The following OLFM3 variants were observed in gnomAD, a reference collection of about 807,000 sequenced individuals.
The protein encoded by OLFM3 is noelin-3.
A neutral mutation model predicts 48.6 loss-of-function variants in OLFM3; 20 were observed. The observed-to-expected ratio is 0.41, with a 90% CI of 0.29 to 0.60. OLFM3 has a LOEUF of 0.60. OLFM3 is among the 20% of genes least tolerant of loss of function. The pLI is 0.28. For missense variants in OLFM3, 437 were observed against 544.3 expected, an observed-to-expected ratio of 0.80 and a Z score of 1.96; for synonymous variants, 222 against 198.1, an observed-to-expected ratio of 1.12 and a Z score of -1.01.
In OLFM3 at chr1:101,823,582, A is replaced by G. The variant is rs941336759; in HGVS notation, c.592+1444T>C. Among the ~76,000 whole-genome samples the G allele has an allele frequency of 3.9e-5, 6 of 152,062 alleles. 1 individual carries two copies. Among genetic ancestry groups the G allele is most frequent in the Admixed American group, 1.3e-4 (2 of 15,246 alleles). ...GAAGGGGCCACACATGAAGGGTCAC[A>G]TAAGCCATGGACTGTATCCTACAAC... On this transcript the variant is annotated intron_variant, in intron 4 of 5. Coordinates refer to ENST00000370103, the MANE Select transcript of OLFM3 (RefSeq NM_058170.4).
At chr1:101,970,953 AGCTG>A (rs1429853183) in intron 1 of OLFM3, among the ~76,000 whole-genome samples, 3 of 87,164 alleles carry the variant, frequency 3.4e-5, no homozygotes, top group African/African-American at 9.8e-5. Flanking sequence ...AAATGCACGT[AGCTG>A]AGTGATGGCA....
At chr1:101,975,211 A>C (rs1660920556) in intron 1 of OLFM3, among the ~76,000 whole-genome samples, 1 of 152,186 alleles carries the variant, frequency 6.6e-6, no homozygotes. Context: ...GGATATTGTC[A>C]GAAAACATTT....
chr1:101,989,082 G>A, intron 1 of OLFM3, among the ~76,000 whole-genome samples: 1 of 152,022 alleles, frequency 6.6e-6, no homozygotes, highest in Non-Finnish European at 1.5e-5. Flanking sequence ...GGAATGTCAG[G>A]GAAGAATTTG....
chr1:101,983,194 T>TA (rs1661147876), intron 1 of OLFM3, among the ~76,000 whole-genome samples: 1 of 152,214 alleles, frequency 6.6e-6, no homozygotes, highest in African/African-American at 2.4e-5. Flanking sequence ...TCAAGTCATG[T>TA]AAAAAAGCTC....
chr1:101,946,315 T>C (rs1057085492), intron 1 of OLFM3, among the ~76,000 whole-genome samples: 1 of 152,160 alleles, frequency 6.6e-6, no homozygotes, highest in South Asian at 2.1e-4. Context: ...ACATAATTTA[T>C]TTGAGTATCA....
intron 1 of OLFM3, among the ~76,000 whole-genome samples, chr1:101,885,370 G>A (rs1019258152): frequency 6.6e-6 from 1 of 152,006 alleles, no homozygotes; most frequent in Non-Finnish European, 1.5e-5. Flanking sequence ...TCCCTTCTAT[G>A]ATACGAGCAC....
intron 1 of OLFM3, among the ~76,000 whole-genome samples, chr1:101,903,891 G>T (rs17472786): frequency 6.6e-6 from 1 of 151,928 alleles, no homozygotes; most frequent in Non-Finnish European, 1.5e-5. Flanking sequence ...TTAAATGACT[G>T]ATTACAATAA....
intron 1 of OLFM3, among the ~76,000 whole-genome samples, chr1:101,881,316 T>C (rs1657516863): frequency 6.6e-6 from 1 of 151,902 alleles, no homozygotes; most frequent in Admixed American, 6.6e-5. Context: ...ATGGCTTTGG[T>C]TTGGCTTATT....
chr1:101,923,030 A>C (rs1298025944), intron 1 of OLFM3, among the ~76,000 whole-genome samples: 1 of 152,208 alleles, frequency 6.6e-6, no homozygotes, highest in Non-Finnish European at 1.5e-5. Context: ...GCAAAGTCAT[A>C]GCATCTGAGT....
chr1:101,828,026 C>CTGTCTG lies in OLFM3; in HGVS notation c.372+2645_372+2646insCAGACA, dbSNP rs1418413295. On this transcript the variant is annotated intron_variant, in intron 3 of 5. Coordinates refer to ENST00000370103, the MANE Select transcript of OLFM3 (RefSeq NM_058170.4). ...GCATTCATGCTCTCTCTCTCTCTCT[C>CTGTCTG]TCTCTCTGTCTGTCTGTCTGTCTGT... 3.7e-3 allele frequency among the ~76,000 whole-genome samples: 378 copies of CTGTCTG among 100,800 alleles called. 3 individuals are homozygous for CTGTCTG. Among genetic ancestry groups the CTGTCTG allele is most frequent in the African/African-American group, 0.012 (354 of 29,184 alleles). 66.1% of individuals were successfully genotyped at this position (100,800 alleles called of 152,430 possible). A position where few individuals can be genotyped will look rare whatever the true frequency, so the allele number is the denominator to read the frequency against.
intron 1 of OLFM3, among the ~76,000 whole-genome samples, chr1:101,963,110 C>A (rs1053827951): frequency 6.6e-6 from 1 of 152,192 alleles, no homozygotes; most frequent in Non-Finnish European, 1.5e-5. Flanking sequence ...GGCACCACAC[C>A]TTCAGATTCA....
At chr1:101,891,245 C>T (rs1219108829) in intron 1 of OLFM3, among the ~76,000 whole-genome samples, 3 of 151,886 alleles carry the variant, frequency 2.0e-5, no homozygotes, top group Non-Finnish European at 4.4e-5. Context: ...GAATCATTAA[C>T]TTAGTATAAA....
intron 3 of OLFM3, among the ~76,000 whole-genome samples, chr1:101,828,080 C>CT (rs1557691497): frequency 6.7e-6 from 1 of 149,312 alleles, no homozygotes; most frequent in Non-Finnish European, 1.5e-5. Flanking sequence ...CTCTCTCTCT[C>CT]CTCCTGCCTT....
intron 1 of OLFM3, among the ~76,000 whole-genome samples, chr1:101,919,159 T>C (rs1228868852): frequency 2.0e-5 from 3 of 152,200 alleles, no homozygotes. Context: ...TTGCGCTGAC[T>C]TGTAAAACAA....
intron 1 of OLFM3, among the ~76,000 whole-genome samples, chr1:101,918,709 C>G (rs1388391687): frequency 6.6e-6 from 1 of 152,004 alleles, no homozygotes; most frequent in Non-Finnish European, 1.5e-5. Flanking sequence ...TTCACGGGTT[C>G]TGGGGATTTG....
At chr1:101,966,320 TG>T (rs1337725132) in intron 1 of OLFM3, among the ~76,000 whole-genome samples, 3 of 130,750 alleles carry the variant, frequency 2.3e-5, no homozygotes, top group African/African-American at 8.9e-5. Flanking sequence ...GGCTAATTTG[TG>T]TGTGTGTGTG....
chr1:101,889,984 T>C (rs1212490199), intron 1 of OLFM3, among the ~76,000 whole-genome samples: 1 of 152,018 alleles, frequency 6.6e-6, no homozygotes, highest in Non-Finnish European at 1.5e-5. Context: ...TTGACTAAGT[T>C]GAAAATACCC....
chr1:101,864,024 G>A (rs916779200), intron 1 of OLFM3, among the ~76,000 whole-genome samples: 7 of 152,072 alleles, frequency 4.6e-5, no homozygotes, highest in Non-Finnish European at 8.8e-5. Flanking sequence ...CTTAGAGGGC[G>A]CCAGTGCCTC....
intron 1 of OLFM3, among the ~76,000 whole-genome samples, chr1:101,872,980 G>A (rs941422340): frequency 5.3e-5 from 8 of 151,862 alleles, no homozygotes; most frequent in Admixed American, 5.3e-4. Context: ...ACATTTAAAA[G>A]CGGACATCAG....
Sources: gnomAD v4.1 joint callset for allele counts (sites outside exome capture counted in the v4.1 genomes callset) on GRCh38, gnomAD v4.1.1 for gene constraint, MANE v1.5 for transcripts, NCBI Gene and HGNC (gene_info 2026-07-23, HGNC 2026-07-21) for gene names.